Variants in CSMD1 observed in about 807,000 individuals in gnomAD.
CSMD1 encodes CUB and Sushi multiple domains 1.
A neutral mutation model predicts 417.5 loss-of-function variants in CSMD1; 213 were observed. That is an observed-to-expected ratio of 0.51 (90% CI 0.46 to 0.57). The LOEUF (loss-of-function observed/expected upper bound fraction) is 0.57. Among genes scored for constraint, CSMD1 ranks in the 20% least tolerant of loss-of-function variants. The pLI is 0.00. For missense variants in CSMD1, 6,923 were observed against 4,529.7 expected (o/e 1.53, Z -15.17); for synonymous variants, 2,862 against 1,736.8 (o/e 1.65, Z -16.11).
chr8:3,440,784 G>C (rs748756692), intron 12 of CSMD1, among the ~76,000 whole-genome samples: 16 of 151,898 alleles, frequency 1.1e-4, no homozygotes, highest in Admixed American at 2.6e-4. Flanking sequence ...TTTTTGTTTT[G>C]TTTTGTTGTT....
chr8:3,409,161 TG>T (rs1812527600), intron 13 of CSMD1, among the ~76,000 whole-genome samples: 2 of 152,224 alleles, frequency 1.3e-5, no homozygotes, highest in African/African-American at 4.8e-5. Flanking sequence ...CAACGATATA[TG>T]TGATGACCCT....
At chr8:3,660,571 A>C (rs905327233) in intron 7 of CSMD1, among the ~76,000 whole-genome samples, 1 of 112,536 alleles carries the variant, frequency 8.9e-6, no homozygotes, top group African/African-American at 3.5e-5. Context: ...TCCAGGCAAG[A>C]GTGCAGTGGT....
At chr8:4,074,151 A>G (rs1307420768) in intron 3 of CSMD1, among the ~76,000 whole-genome samples, 1 of 152,106 alleles carries the variant, frequency 6.6e-6, no homozygotes, top group Non-Finnish European at 1.5e-5. Flanking sequence ...GTAAACATAT[A>G]CATATAATGC....
At chr8:4,185,713 G>A (rs1371676469) in intron 3 of CSMD1, among the ~76,000 whole-genome samples, 1 of 152,170 alleles carries the variant, frequency 6.6e-6, no homozygotes, top group African/African-American at 2.4e-5. Flanking sequence ...ACTGAAATAT[G>A]TTCGTCAGAT....
At chr8:3,973,916 A>C (rs978945365) in intron 5 of CSMD1, among the ~76,000 whole-genome samples, 6 of 152,212 alleles carry the variant, frequency 3.9e-5, no homozygotes, top group Non-Finnish European at 7.3e-5. Context: ...GTTTTGATAC[A>C]GGAATGCCAT....
intron 29 of CSMD1, among the ~76,000 whole-genome samples, chr8:3,218,343 T>C (rs1798001019): frequency 6.7e-6 from 1 of 149,000 alleles, no homozygotes; most frequent in Non-Finnish European, 1.5e-5. Context: ...GGGAGGATCA[T>C]GAGGTCAGGA....
At chr8:3,670,315 C>T (rs939976696) in intron 7 of CSMD1, among the ~76,000 whole-genome samples, 2 of 151,870 alleles carry the variant, frequency 1.3e-5, no homozygotes, top group Non-Finnish European at 2.9e-5. Context: ...TTCCTGCCCT[C>T]CAGCATCAGA....
Position 4,293,442 on chromosome 8 carries a change from T to A in CSMD1, c.415+126511A>T, listed in dbSNP as rs1585173991. 2.0e-5 allele frequency among the ~76,000 whole-genome samples: 3 copies of A among 152,238 alleles called. No homozygotes were observed. In the South Asian group the frequency reaches 6.2e-4, roughly 31 times the overall value. Reference sequence around the variant, plus strand: ...CGGCTAAAAAGTGTTTTAAAAAAATTAATTACACTAATATGTGAAAATTAT... The same window carrying A: ...CGGCTAAAAAGTGTTTTAAAAAAATAAATTACACTAATATGTGAAAATTAT... On this transcript the variant is annotated intron_variant, in intron 3 of 69. Coordinates refer to ENST00000635120, the MANE Select transcript of CSMD1 (RefSeq NM_033225.6).
chr8:4,194,978 G>C (rs879210269), intron 3 of CSMD1, among the ~76,000 whole-genome samples: 2 of 151,732 alleles, frequency 1.3e-5, no homozygotes, highest in Admixed American at 6.6e-5. Flanking sequence ...GGACTATCTA[G>C]CTTTCTTTCA....
intron 5 of CSMD1, among the ~76,000 whole-genome samples, chr8:3,883,430 A>G (rs2129122462): frequency 6.6e-6 from 1 of 152,196 alleles, no homozygotes; most frequent in Middle Eastern, 3.4e-3. Flanking sequence ...ATGTGTGTGT[A>G]TGTTTGTGTA....
rs531351487 is a variant in CSMD1 at position 4,436,606 on chromosome 8, A to C, written c.303-16541T>G. ...ATTATATCCATCCTGCTGTGCAAGC[A>C]AATAGGTCTTATTCCTTCTTCTATT... On this transcript the variant is annotated intron_variant, in intron 2 of 69. Coordinates refer to ENST00000635120, the MANE Select transcript of CSMD1 (RefSeq NM_033225.6). Among the ~76,000 whole-genome samples, 5 of 152,286 alleles carry C rather than the reference A, an allele frequency of 3.3e-5. No individual in the cohort carries two copies. The South Asian group carries it at 1.0e-3, about 32-fold the overall frequency.
chr8:4,245,945 T>C (rs1585089759), intron 3 of CSMD1, among the ~76,000 whole-genome samples: 1 of 152,308 alleles, frequency 6.6e-6, no homozygotes, highest in East Asian at 1.9e-4. Context: ...GACTTTTCCT[T>C]CTAAACAATA....
At chr8:4,595,531 G>A (rs891268473) in intron 2 of CSMD1, among the ~76,000 whole-genome samples, 1 of 152,004 alleles carries the variant, frequency 6.6e-6, no homozygotes, top group South Asian at 2.1e-4. Flanking sequence ...AATGTCTACT[G>A]TAGACTAGCT....
chr8:4,825,957 G>A (rs1358890129), intron 1 of CSMD1, among the ~76,000 whole-genome samples: 1 of 151,616 alleles, frequency 6.6e-6, no homozygotes, highest in South Asian at 2.1e-4. Context: ...ACATCTTTGA[G>A]GATGACTAAT....
chr8:3,176,814 T>G (rs141464669), intron 37 of CSMD1, among the ~76,000 whole-genome samples: 14,085 of 150,884 alleles, frequency 0.093, 2,167 homozygotes, highest in African/African-American at 0.32. Flanking sequence ...GGTCTTGCTC[T>G]GTCTCCCAGG....
intron 49 of CSMD1, among the ~76,000 whole-genome samples, chr8:3,063,898 G>C (rs1467582635): frequency 2.0e-5 from 3 of 152,188 alleles, no homozygotes; most frequent in Admixed American, 1.3e-4. Context: ...GAGATGGACA[G>C]TGGTGATGAT....
At chr8:4,404,602 T>C (rs1229059074) in intron 3 of CSMD1, among the ~76,000 whole-genome samples, 1 of 152,150 alleles carries the variant, frequency 6.6e-6, no homozygotes, top group Non-Finnish European at 1.5e-5. Flanking sequence ...ATGGCAAAAA[T>C]GGCAATTTCT....
chr8:3,355,810 G>A lies in CSMD1; in HGVS notation c.3304+3342C>T, dbSNP rs531596927. ...TTTCATTTTGACTTAAGCCAATGTG[G>A]GCAACTTTTTCTCTAATTTGCAAGT... On this transcript the variant is annotated intron_variant, in intron 21 of 69. Coordinates refer to ENST00000635120, the MANE Select transcript of CSMD1 (RefSeq NM_033225.6). 6.6e-5 allele frequency among the ~76,000 whole-genome samples: 10 copies of A among 152,072 alleles called. No individual in the cohort carries two copies. The South Asian group carries it at 1.5e-3, about 22-fold the overall frequency.
chr8:3,048,321 C>G (rs1392054653), intron 50 of CSMD1, among the ~76,000 whole-genome samples: 1 of 152,076 alleles, frequency 6.6e-6, no homozygotes, highest in Non-Finnish European at 1.5e-5. Flanking sequence ...TCCGATACAT[C>G]ATATTCTGTC....
Sources: allele counts gnomAD v4.1 joint callset (sites outside exome capture counted in the v4.1 genomes callset), GRCh38; gene constraint gnomAD v4.1.1; transcripts MANE v1.5; gene names NCBI Gene and HGNC (gene_info 2026-07-23, HGNC 2026-07-21).